The following CBLB variants were observed in gnomAD, a reference collection of about 807,000 sequenced individuals.
The protein encoded by CBLB is E3 ubiquitin-protein ligase CBL-B.
CBLB carries 31 observed loss-of-function variants against 104.9 expected under a neutral mutation model. The observed-to-expected ratio is 0.30, with a 90% CI of 0.22 to 0.40. CBLB has a LOEUF of 0.40. Ranked by LOEUF, CBLB falls within the 10% of genes least tolerant of loss-of-function variation. The probability of loss-of-function intolerance (pLI) is 1.00; values close to 1 mark genes in which losing one functional copy is unlikely to be tolerated. For missense variants in CBLB, 1,062 were observed against 1,214.6 expected (o/e 0.87, Z 1.87); for synonymous variants, 440 against 422.6 (o/e 1.04, Z -0.51).
intron 10 of CBLB, among the ~76,000 whole-genome samples, chr3:105,711,319 G>A (rs1185406144): frequency 1.4e-5 from 2 of 143,434 alleles, no homozygotes; most frequent in Non-Finnish European, 3.1e-5. Flanking sequence ...ATAAATGCGT[G>A]AAAATTAATG....
At chr3:105,683,115 G>A (rs1319374143) in intron 14 of CBLB, among the ~76,000 whole-genome samples, 1 of 152,148 alleles carries the variant, frequency 6.6e-6, no homozygotes, top group Admixed American at 6.6e-5. Flanking sequence ...TCTTTAAGGG[G>A]CCAGATATAG....
At chr3:105,833,205 G>A (rs1304697936) in intron 3 of CBLB, among the ~76,000 whole-genome samples, 1 of 152,196 alleles carries the variant, frequency 6.6e-6, no homozygotes, top group Non-Finnish European at 1.5e-5. Flanking sequence ...CTAGGTTATA[G>A]CCATCGCAGT....
At chr3:105,754,254 G>T (rs1322216913) in intron 4 of CBLB, among the ~76,000 whole-genome samples, 4 of 151,974 alleles carry the variant, frequency 2.6e-5, no homozygotes, top group Non-Finnish European at 5.9e-5. Context: ...GTTGCACTAA[G>T]GCTCTAAACT....
chr3:105,740,876 A>C (rs767605467), intron 6 of CBLB, among the ~76,000 whole-genome samples: 6 of 152,202 alleles, frequency 3.9e-5, no homozygotes, highest in Admixed American at 6.5e-5. Context: ...AAAATAAACA[A>C]GATTGTAAAC....
At chr3:105,662,885 T>G (rs1042099423) in intron 18 of CBLB, among the ~76,000 whole-genome samples, 1 of 152,190 alleles carries the variant, frequency 6.6e-6, no homozygotes, top group Admixed American at 6.5e-5. Context: ...TGCTACTACT[T>G]GAGACCATCA....
At chr3:105,840,742 T>C (rs1036871700) in intron 3 of CBLB, among the ~76,000 whole-genome samples, 5 of 152,114 alleles carry the variant, frequency 3.3e-5, no homozygotes, top group Non-Finnish European at 7.4e-5. Context: ...TAGACACTGA[T>C]AACAAAGATA....
intron 3 of CBLB, among the ~76,000 whole-genome samples, chr3:105,781,403 T>C (rs1360408012): frequency 6.6e-6 from 1 of 152,212 alleles, no homozygotes; most frequent in African/African-American, 2.4e-5. Context: ...AGGAAGCATA[T>C]AATGCTTGAT....
At position 105,867,239 on chromosome 3, in the gene CBLB, T is replaced by C. The variant is rs117478683; in HGVS notation, c.168+171A>G. Among the ~76,000 whole-genome samples, 27 of 152,268 alleles carry C rather than the reference T, an allele frequency of 1.8e-4. No homozygotes were observed. In the East Asian group the frequency reaches 5.0e-3, roughly 28 times the overall value. On this transcript the variant is annotated intron_variant, in intron 2 of 18. Coordinates refer to ENST00000394030, the MANE Select transcript of CBLB (RefSeq NM_170662.5). ...GATGAAAGGTTAAAAAACAAAAAAG[T>C]CTTTGAATCCAACTTTTCAAAAAAC...
intron 3 of CBLB, among the ~76,000 whole-genome samples, chr3:105,815,016 A>C (rs2084836776): frequency 6.6e-6 from 1 of 150,706 alleles, no homozygotes; most frequent in Admixed American, 6.7e-5. Context: ...ACTGCTTCCG[A>C]AGATGAATTC....
At chr3:105,663,007 C>T (rs1331063580) in intron 18 of CBLB, among the ~76,000 whole-genome samples, 2 of 152,100 alleles carry the variant, frequency 1.3e-5, no homozygotes, top group Admixed American at 6.5e-5. Flanking sequence ...TACTTGAGAC[C>T]GTCACTACGA....
At chr3:105,752,833 T>C (rs113394987) in intron 4 of CBLB, among the ~76,000 whole-genome samples, 178 of 152,306 alleles carry the variant, frequency 1.2e-3, no homozygotes, top group African/African-American at 4.1e-3. Flanking sequence ...TCAGTAGCAT[T>C]GGGGTGGGGC....
At chr3:105,674,155 T>C (rs1275253825) in intron 17 of CBLB, among the ~76,000 whole-genome samples, 6 of 152,244 alleles carry the variant, frequency 3.9e-5, no homozygotes, top group Admixed American at 2.0e-4. Context: ...AGCCCATTAA[T>C]GCTTCAACAT....
chr3:105,684,413 A>G (rs570419157), intron 14 of CBLB, among the ~76,000 whole-genome samples: 1 of 152,312 alleles, frequency 6.6e-6, no homozygotes, highest in East Asian at 1.9e-4. Flanking sequence ...CTTAAAGATA[A>G]AGTAATATTT....
At chr3:105,819,662 A>G (rs933894838) in intron 3 of CBLB, among the ~76,000 whole-genome samples, 1 of 152,192 alleles carries the variant, frequency 6.6e-6, no homozygotes, top group Non-Finnish European at 1.5e-5. Flanking sequence ...GCAGGAATTG[A>G]TAAGAAGCAA....
chr3:105,778,819 C>T (rs1273718918), intron 3 of CBLB, among the ~76,000 whole-genome samples: 1 of 152,118 alleles, frequency 6.6e-6, no homozygotes, highest in Non-Finnish European at 1.5e-5. Flanking sequence ...TTTATGTTAA[C>T]ATATCCTCAA....
intron 3 of CBLB, among the ~76,000 whole-genome samples, chr3:105,841,176 G>T (rs1410606687): frequency 6.6e-6 from 1 of 151,386 alleles, no homozygotes; most frequent in Non-Finnish European, 1.5e-5. Context: ...TGCATCTGTA[G>T]TCCCAGCTAC....
rs1258054333 is a variant in CBLB at position 105,655,827 on chromosome 3, A to G, written c.*3143T>C. ...AGTGCAAATCAAAGCTTCAAGTTGA[A>G]AATCTGAGAGAAAAAATAACGTTCG... On this transcript the variant is annotated 3_prime_UTR_variant, in exon 19 of 19. Transcript: ENST00000394030. The G allele has an allele frequency of 1.4e-5, 3 of 217,332 alleles. No individual in the cohort carries two copies. In the East Asian group the frequency reaches 2.0e-4, roughly 15 times the overall value. 13.5% of individuals were successfully genotyped at this position (217,332 alleles called of 1,614,324 possible).
chr3:105,786,570 C>T (rs183246958), intron 3 of CBLB, among the ~76,000 whole-genome samples: 1 of 152,122 alleles, frequency 6.6e-6, no homozygotes, highest in African/African-American at 2.4e-5. Flanking sequence ...ACAAATGGCA[C>T]ACCAGTATTT....
intron 3 of CBLB, among the ~76,000 whole-genome samples, chr3:105,779,338 G>A (rs1213682128): frequency 1.3e-5 from 2 of 152,072 alleles, no homozygotes; most frequent in East Asian, 3.9e-4. Context: ...CTCACTGATT[G>A]ACTATAAAAT....
Sources: gnomAD v4.1 joint callset for allele counts (sites outside exome capture counted in the v4.1 genomes callset) on GRCh38, gnomAD v4.1.1 for gene constraint, MANE v1.5 for transcripts, NCBI Gene and HGNC (gene_info 2026-07-23, HGNC 2026-07-21) for gene names.